Variants in DYM observed in about 807,000 individuals in gnomAD.
DYM encodes dyggve-Melchior-Clausen syndrome protein.
In DYM, 78 loss-of-function variants were observed where a neutral mutation model predicts 93.1. The ratio of observed to expected loss-of-function variants is 0.84; its 90% CI spans 0.70 to 1.01. The LOEUF (loss-of-function observed/expected upper bound fraction) is 1.01, where lower values mean the gene tolerates loss of function less well. Ranked by LOEUF, DYM falls within the 50% of genes least tolerant of loss-of-function variation. The probability of loss-of-function intolerance (pLI) is 0.00; values close to 1 mark genes in which losing one functional copy is unlikely to be tolerated. For synonymous variants in DYM, 321 were observed against 319.7 expected (o/e 1.00, Z -0.04); for missense variants, 789 against 845.0 (o/e 0.93, Z 0.82).
intron 11 of DYM, among the ~76,000 whole-genome samples, chr18:49,261,683 T>C (rs558545717): frequency 6.6e-6 from 1 of 152,224 alleles, no homozygotes; most frequent in Non-Finnish European, 1.5e-5. Flanking sequence ...TAGAGTATTA[T>C]ACAGTAACAT....
At chr18:49,378,780 G>C in intron 4 of DYM, 80 bp from the exon 5 acceptor site, 1 of 1,482,082 alleles carries the variant, frequency 6.7e-7, no homozygotes, top group Non-Finnish European at 9.3e-7. Flanking sequence ...ATTTCTTCCT[G>C]ATTTGACAAC....
chr18:49,420,170 T>TG (rs1213862295), intron 2 of DYM, among the ~76,000 whole-genome samples: 1 of 146,050 alleles, frequency 6.8e-6, no homozygotes, highest in Non-Finnish European at 1.5e-5. Context: ...AATTCGTTTT[T>TG]TTTTTTTTTT....
chr18:49,353,664 T>C (rs2065308731), intron 6 of DYM, among the ~76,000 whole-genome samples: 1 of 151,956 alleles, frequency 6.6e-6, no homozygotes, highest in Non-Finnish European at 1.5e-5. Flanking sequence ...ATCAAAAAAG[T>C]GGTATACATT....
chr18:49,080,234 C>T (rs373105244), intron 17 of DYM, among the ~76,000 whole-genome samples: 12,411 of 108,570 alleles, frequency 0.11, 1,178 homozygotes, highest in East Asian at 0.23. Context: ...CCCTCTCGGA[C>T]GGGGCGGCTG....
At chr18:49,049,326 T>C (rs973574550) in intron 17 of DYM, among the ~76,000 whole-genome samples, 7 of 152,220 alleles carry the variant, frequency 4.6e-5, no homozygotes, top group African/African-American at 7.2e-5. Flanking sequence ...TTCCCATTCA[T>C]TCACTCAGTA....
At chr18:49,239,389 T>C (rs1468429069) in intron 13 of DYM, among the ~76,000 whole-genome samples, 1 of 152,238 alleles carries the variant, frequency 6.6e-6, no homozygotes, top group Non-Finnish European at 1.5e-5. Context: ...AACAGTCTCC[T>C]AGCAGTCTTG....
At chr18:49,198,796 T>C (rs532433079) in intron 14 of DYM, among the ~76,000 whole-genome samples, 1,625 of 151,790 alleles carry the variant, frequency 0.011, 29 homozygotes, top group African/African-American at 0.037. Flanking sequence ...TAAACTAGTT[T>C]AACCATTGTG....
intron 13 of DYM, among the ~76,000 whole-genome samples, chr18:49,243,951 C>G (rs547652484): frequency 6.6e-6 from 1 of 152,110 alleles, no homozygotes; most frequent in East Asian, 1.9e-4. Context: ...AATACTCTTA[C>G]GCTTCAATAT....
Position 49,183,561 on chromosome 18 carries a change from AT to A in DYM, c.1626-19775del, listed in dbSNP as rs1233641371. Among the ~76,000 whole-genome samples the A allele has an allele frequency of 2.6e-5, 4 of 152,026 alleles. No homozygotes were observed. In the East Asian group the frequency reaches 7.7e-4, roughly 29 times the overall value. On this transcript the variant is annotated intron_variant, in intron 14 of 17. Transcript: ENST00000675505. ...TGTAGCTTAGAAAAATATTTACCAC[AT>A]TTTCAAGTTAATTATATACATTTTA...
chr18:49,325,222 C>G (rs2062800171), intron 8 of DYM, among the ~76,000 whole-genome samples: 1 of 152,174 alleles, frequency 6.6e-6, no homozygotes, highest in African/African-American at 2.4e-5. Flanking sequence ...TATAGGAATC[C>G]TTGTTCCTTA....
At chr18:49,394,391 G>GTT (rs150178114) in intron 2 of DYM, among the ~76,000 whole-genome samples, 2 of 151,104 alleles carry the variant, frequency 1.3e-5, no homozygotes, top group African/African-American at 4.9e-5. Flanking sequence ...TCATTTGTCT[G>GTT]TTTTTTTTTA....
intron 8 of DYM, among the ~76,000 whole-genome samples, chr18:49,324,797 AAC>A (rs1242316570): frequency 2.0e-5 from 3 of 152,232 alleles, no homozygotes; most frequent in Admixed American, 6.5e-5. Context: ...AGAAAACAAA[AAC>A]AGTTATTTAC....
chr18:49,373,248 T>G (rs2067207814), intron 5 of DYM, among the ~76,000 whole-genome samples: 1 of 152,064 alleles, frequency 6.6e-6, no homozygotes, highest in African/African-American at 2.4e-5. Context: ...TAGTCCGCAA[T>G]GCAAAGTGAA....
At chr18:49,317,596 T>TCTCTCTCTCC (rs1381346703) in intron 8 of DYM, among the ~76,000 whole-genome samples, 1 of 31,148 alleles carries the variant, frequency 3.2e-5, no homozygotes, top group Non-Finnish European at 5.3e-5. Flanking sequence ...TCTCTCTCTC[T>TCTCTCTCTCC]CCCCCCTCCC....
intron 17 of DYM, among the ~76,000 whole-genome samples, chr18:49,075,564 G>C (rs1167524381): frequency 6.6e-6 from 1 of 152,074 alleles, no homozygotes; most frequent in African/African-American, 2.4e-5. Flanking sequence ...GAGTCAAGAG[G>C]AAAATACACA....
intron 16 of DYM, among the ~76,000 whole-genome samples, chr18:49,101,774 G>T (rs2145647196): frequency 6.6e-6 from 1 of 152,214 alleles, no homozygotes; most frequent in East Asian, 1.9e-4. Flanking sequence ...AATCCATTCA[G>T]CAGAGGAGCT....
At chr18:49,119,877 C>T (rs1417391430) in intron 15 of DYM, among the ~76,000 whole-genome samples, 1 of 151,924 alleles carries the variant, frequency 6.6e-6, no homozygotes, top group Non-Finnish European at 1.5e-5. Context: ...CACTTGAGCT[C>T]AGGAGTTCGA....
intron 10 of DYM, among the ~76,000 whole-genome samples, chr18:49,273,678 T>C (rs2094772105): frequency 6.6e-6 from 1 of 152,152 alleles, no homozygotes; most frequent in East Asian, 1.9e-4. Flanking sequence ...CCATAAAGCT[T>C]AGGTGTGTAG....
At position 49,317,594 on chromosome 18, in the gene DYM, TCTCCC is replaced by T. The variant is rs1241004053; in HGVS notation, c.763+14265_763+14269del. 1.3e-3 allele frequency among the ~76,000 whole-genome samples: 36 copies of T among 28,024 alleles called. 1 individual carries two copies. The highest frequency in any genetic ancestry group is 2.8e-3 in the African/African-American group (17 of 6,020). 18.4% of individuals were successfully genotyped at this position (28,024 alleles called of 152,430 possible). A position where few individuals can be genotyped will look rare whatever the true frequency, so the allele number is the denominator to read the frequency against. ...CTCTCTCTCTCTCTCTCTCTCTCTC[TCTCCC>T]CCCTCCCCCCTCCCTCCCTCCCTCC... On this transcript the variant is annotated intron_variant, in intron 8 of 17. Coordinates refer to ENST00000675505, the MANE Select transcript of DYM (RefSeq NM_001353214.3).
Sources: gnomAD v4.1 joint callset for allele counts (sites outside exome capture counted in the v4.1 genomes callset) on GRCh38, gnomAD v4.1.1 for gene constraint, MANE v1.5 for transcripts, NCBI Gene and HGNC (gene_info 2026-07-23, HGNC 2026-07-21) for gene names.